TANC1: variants seen among roughly 807,000 people sequenced by gnomAD.
TANC1 encodes tetratricopeptide repeat, ankyrin repeat and coiled-coil containing 1, also known as protein TANC1.
Under a neutral mutation model 149.7 loss-of-function variants are expected in TANC1, and 77 were observed. The ratio of observed to expected loss-of-function variants is 0.51; its 90% CI spans 0.43 to 0.62. TANC1 has a LOEUF of 0.62. Among genes scored for constraint, TANC1 ranks in the 20% least tolerant of loss-of-function variants. The pLI is 0.00. For missense variants in TANC1, 1,985 were observed against 2,321.8 expected (o/e 0.85, Z 2.98); for synonymous variants, 854 against 925.0 (o/e 0.92, Z 1.39).
At chr2:159,207,725 AAACAAC>A (rs2058721708) in intron 19 of TANC1, among the ~76,000 whole-genome samples, 1 of 133,974 alleles carries the variant, frequency 7.5e-6, no homozygotes, top group African/African-American at 3.3e-5. Flanking sequence ...AAAAAAAAAA[AAACAAC>A]TCAGACTTAG....
intron 22 of TANC1, among the ~76,000 whole-genome samples, chr2:159,220,462 C>T (rs2059633768): frequency 6.6e-6 from 1 of 151,960 alleles, no homozygotes; most frequent in Admixed American, 6.6e-5. Context: ...CATGCACCAC[C>T]ATGCCTAATT....
chr2:159,131,297 G>T (rs1214509200), intron 4 of TANC1, among the ~76,000 whole-genome samples: 1 of 152,308 alleles, frequency 6.6e-6, no homozygotes, highest in Middle Eastern at 3.4e-3. Flanking sequence ...CATGGTCTTA[G>T]AATTGAGCCT....
intron 3 of TANC1, among the ~76,000 whole-genome samples, chr2:159,091,803 G>A (rs2045569975): frequency 6.6e-6 from 1 of 152,114 alleles, no homozygotes; most frequent in Admixed American, 6.5e-5. Flanking sequence ...TTTGAAAATT[G>A]TTTTCTTGGA....
At chr2:159,056,275 G>T (rs1448260024) in intron 2 of TANC1, 5 of 224,140 alleles carry the variant, frequency 2.2e-5, no homozygotes, top group Non-Finnish European at 4.7e-5. Flanking sequence ...GCTGTTCCAA[G>T]TACTGAGGTT....
intron 8 of TANC1, among the ~76,000 whole-genome samples, chr2:159,164,036 A>C (rs935071613): frequency 4.2e-4 from 64 of 152,222 alleles, no homozygotes; most frequent in African/African-American, 1.5e-3. Flanking sequence ...AAATGTAAGC[A>C]GTGGAAGTAG....
At position 159,222,426 on chromosome 2, in the gene TANC1, C is replaced by T. The variant is rs193224405; in HGVS notation, c.3679-1806C>T. ...CCCCCAGCCCATCACAGCCACCACT[C>T]TACTTTGTGAGTTTTTTTACCCCTT... On this transcript the variant is annotated intron_variant, in intron 22 of 26. Transcript: ENST00000263635. 8.3e-4 allele frequency among the ~76,000 whole-genome samples: 126 copies of T among 152,228 alleles called. 2 individuals carry two copies. Among genetic ancestry groups the T allele is most frequent in the African/African-American group, 2.9e-3 (121 of 41,572 alleles).
chr2:159,228,449 C>T, intron 25 of TANC1: 2 of 288,048 alleles, frequency 6.9e-6, no homozygotes, highest in South Asian at 5.2e-5. Context: ...CTGTGTCCTC[C>T]TGCCCCAGTC....
intron 2 of TANC1, among the ~76,000 whole-genome samples, chr2:159,012,789 G>T (rs1387610029): frequency 6.6e-6 from 1 of 152,114 alleles, no homozygotes; most frequent in Non-Finnish European, 1.5e-5. Context: ...TAAATATAAA[G>T]CTCTACTTTT....
At chr2:159,221,099 C>T (rs1457720053) in intron 22 of TANC1, among the ~76,000 whole-genome samples, 6 of 152,210 alleles carry the variant, frequency 3.9e-5, no homozygotes, top group Admixed American at 1.3e-4. Flanking sequence ...GCCTGTAATC[C>T]CGGCACTTTG....
chr2:159,091,969 G>GGGGT (rs561460848), intron 3 of TANC1, among the ~76,000 whole-genome samples: 7 of 145,252 alleles, frequency 4.8e-5, no homozygotes, highest in African/African-American at 1.1e-4. Flanking sequence ...TATAGGGGGG[G>GGGGT]GTGTGTGTGT....
At chr2:159,140,021 G>A (rs1402201885) in intron 5 of TANC1, among the ~76,000 whole-genome samples, 2 of 152,032 alleles carry the variant, frequency 1.3e-5, no homozygotes, top group Non-Finnish European at 2.9e-5. Flanking sequence ...CTAGGAGTTT[G>A]ATACCAGCCT....
At chr2:159,209,986 C>A (rs957425307) in intron 19 of TANC1, among the ~76,000 whole-genome samples, 3 of 152,100 alleles carry the variant, frequency 2.0e-5, no homozygotes, top group Non-Finnish European at 4.4e-5. Flanking sequence ...AAGTAAATTG[C>A]ACATGTGAAT....
intron 23 of TANC1, chr2:159,224,833 T>C (rs1378168061): frequency 6.2e-6 from 1 of 162,074 alleles, no homozygotes; most frequent in Admixed American, 5.8e-5. Context: ...GAGGATTGTG[T>C]GGGGGACCCT....
chr2:159,002,224 T>C (rs2149330786), intron 2 of TANC1, among the ~76,000 whole-genome samples: 1 of 152,216 alleles, frequency 6.6e-6, no homozygotes, highest in East Asian at 1.9e-4. Flanking sequence ...GAGTTCAGCC[T>C]GGGTGCCTCT....
intron 26 of TANC1, 105 bp from the exon 27 acceptor site, chr2:159,229,473 A>G: frequency 3.0e-6 from 3 of 1,009,864 alleles, no homozygotes; most frequent in Non-Finnish European, 4.3e-6. Context: ...TTCAAAACTC[A>G]CTTGCTACCT....
chr2:159,179,224 A>G (rs536596520), intron 14 of TANC1, 61 bp downstream of exon 14: 2 of 1,545,754 alleles, frequency 1.3e-6, no homozygotes, highest in Admixed American at 1.9e-5. Context: ...TGGGGAAAGG[A>G]TTTAAATGTG....
chr2:159,181,251 CT>C (rs2056437004), intron 14 of TANC1, among the ~76,000 whole-genome samples: 1 of 151,402 alleles, frequency 6.6e-6, no homozygotes, highest in Non-Finnish European at 1.5e-5. Flanking sequence ...TGCAAAACTC[CT>C]AGGAGGCAAA....
At chr2:159,065,327 G>A (rs764291303) in intron 2 of TANC1, among the ~76,000 whole-genome samples, 9 of 152,170 alleles carry the variant, frequency 5.9e-5, no homozygotes, top group Non-Finnish European at 1.2e-4. Flanking sequence ...ACCCACTGTG[G>A]TGTGTGCTGT....
chr2:159,069,078 T>C (rs532461002), intron 3 of TANC1, among the ~76,000 whole-genome samples: 25 of 152,324 alleles, frequency 1.6e-4, no homozygotes, highest in African/African-American at 6.0e-4. Flanking sequence ...ACTTAAACTA[T>C]TGAAAATCAT....
Sources: allele counts gnomAD v4.1 joint callset (sites outside exome capture counted in the v4.1 genomes callset), GRCh38; gene constraint gnomAD v4.1.1; transcripts MANE v1.5; gene names NCBI Gene and HGNC (gene_info 2026-07-23, HGNC 2026-07-21).